Variants in TMEM132B observed in about 807,000 individuals in gnomAD.
TMEM132B encodes the protein transmembrane protein 132B.
Under a neutral mutation model 90.8 loss-of-function variants are expected in TMEM132B, and 18 were observed. That is an observed-to-expected ratio of 0.20 (90% CI 0.14 to 0.29). TMEM132B has a LOEUF of 0.29. Ranked by LOEUF, TMEM132B falls within the 10% of genes least tolerant of loss-of-function variation. The pLI is 1.00. For synonymous variants in TMEM132B, 504 were observed against 523.3 expected (o/e 0.96, Z 0.50); for missense variants, 1,096 against 1,326.8 (o/e 0.83, Z 2.70).
rs116478057 is a variant in TMEM132B at position 125,427,856 on chromosome 12, A to G, written c.1106+12179A>G. Among the ~76,000 whole-genome samples the G allele has an allele frequency of 7.4e-3, 1,127 of 152,336 alleles. 13 individuals are homozygous for G. The highest frequency in any genetic ancestry group is 0.025 in the African/African-American group (1,047 of 41,574). ...GATTTCCTTATGCAGGAAAAAATTG[A>G]ACCAGAGGGAATTGGAGTCTTTCTT... On this transcript the variant is annotated intron_variant, in intron 3 of 8. Transcript: ENST00000682704.
At chr12:125,567,274 A>C (rs7953420) in intron 4 of TMEM132B, among the ~76,000 whole-genome samples, 139,859 of 152,216 alleles carry the variant, frequency 0.92, 64,268 homozygotes, top group Middle Eastern at 0.97. Context: ...GTCTTTCTCT[A>C]TATCTCTCTC....
chr12:125,654,095 T>A lies in TMEM132B; in HGVS notation c.2637T>A (p.Thr879=), dbSNP rs962579898. 1 of 1,614,094 alleles carries A rather than the reference T, an allele frequency of 6.2e-7. No individual in the cohort carries two copies. The highest frequency in any genetic ancestry group is 8.5e-7 in the Non-Finnish European group (1 of 1,180,010). The change falls in exon 9 of 9, where the codon ACT becomes ACA. Residue 879 remains threonine (T), a synonymous_variant. Coordinates refer to ENST00000682704, the MANE Select transcript of TMEM132B (RefSeq NM_001366854.1). This position sits in a 1 kb window ranked among gnomAD's most constrained non-coding sequence, Gnocchi z 5.8. ...CAGATGCCTTTACAAGCTTCCCCAC[T>A]CAAGGGAAGTCACCGGACCCCAATA... is the stretch of plus-strand genomic sequence containing the variant. The part of the protein sequence containing the change: ...GGPDAFTSFP[T]QGKSPDPNNP...
At chr12:125,494,081 CTCCTTCCT>C (rs1374563174) in intron 3 of TMEM132B, among the ~76,000 whole-genome samples, 1 of 137,318 alleles carries the variant, frequency 7.3e-6, no homozygotes. Context: ...CGTCCCTCCT[CTCCTTCCT>C]CCCTGAAAAT....
chr12:125,275,156 T>C (rs1874955718), intron 1 of TMEM132B, among the ~76,000 whole-genome samples: 2 of 152,182 alleles, frequency 1.3e-5, no homozygotes. Flanking sequence ...GCTGGACTTT[T>C]CTCTCCTTCC....
chr12:125,268,317 A>G (rs1435103000), intron 1 of TMEM132B, among the ~76,000 whole-genome samples: 1 of 152,248 alleles, frequency 6.6e-6, no homozygotes, highest in African/African-American at 2.4e-5. Flanking sequence ...ACTTCTGAGA[A>G]TTTATCATTC....
intron 3 of TMEM132B, among the ~76,000 whole-genome samples, chr12:125,430,979 C>T (rs1288452401): frequency 6.6e-6 from 1 of 151,910 alleles, no homozygotes; most frequent in Non-Finnish European, 1.5e-5. Flanking sequence ...CCCCAGAGTC[C>T]CTGAGGTGGC....
chr12:125,362,902 A>G (rs1412115875), intron 2 of TMEM132B, among the ~76,000 whole-genome samples: 1 of 152,196 alleles, frequency 6.6e-6, no homozygotes, highest in African/African-American at 2.4e-5. Context: ...TTAGTGTTGA[A>G]CCCTAAAGAG....
In TMEM132B at chr12:125,307,784, A is replaced by G. The variant is rs868542721; in HGVS notation, c.68-41668A>G. Among the ~76,000 whole-genome samples the G allele has an allele frequency of 1.7e-4, 25 of 146,006 alleles. 1 individual carries two copies. Among genetic ancestry groups the G allele is most frequent in the East Asian group, 3.9e-4 (2 of 5,086 alleles). The stretch of plus-strand genomic sequence containing the variant: ...TATTGCAAGTATATATACTTATAAT[A>G]CAAGTATATTACAAGTATATATACT... On this transcript the variant is annotated intron_variant, in intron 1 of 8. Transcript: ENST00000682704.
intron 1 of TMEM132B, among the ~76,000 whole-genome samples, chr12:125,310,427 C>T (rs1404473691): frequency 6.6e-6 from 1 of 152,234 alleles, no homozygotes; most frequent in East Asian, 1.9e-4. Flanking sequence ...ATCCCCACTA[C>T]ACCCATGGTC....
intron 2 of TMEM132B, among the ~76,000 whole-genome samples, chr12:125,351,061 G>T (rs1241751246): frequency 1.3e-5 from 2 of 152,196 alleles, no homozygotes; most frequent in Non-Finnish European, 2.9e-5. Flanking sequence ...GCAGTTCTCA[G>T]TATCCAGTGT....
chr12:125,350,166 G>A lies in TMEM132B; in HGVS notation c.782G>A (p.Arg261Gln), dbSNP rs377588294. The change falls in exon 2 of 9, where the codon CGA becomes CAA. Residue 261 changes from arginine to glutamine, a missense_variant. Arg to Gln is a conservative substitution (Grantham distance 43). Transcript: ENST00000682704. Reference protein sequence around the residue: ...LESPQQAFPARERIGSVVVYP... With the variant: ...LESPQQAFPAQERIGSVVVYP... ...AGCCCCCAGCAAGCGTTTCCAGCCC[G>A]AGAGAGGATTGGGAGTGTGGTGGTC... is the stretch of plus-strand genomic sequence containing the variant. The A allele has an allele frequency of 2.6e-4, 416 of 1,614,210 alleles. No individual in the cohort carries two copies. The highest frequency in any genetic ancestry group is 3.3e-4 in the Non-Finnish European group (385 of 1,180,038).
In TMEM132B at chr12:125,589,317, C is replaced by G. The variant is rs1050314298; in HGVS notation, c.1437+5323C>G. Among the ~76,000 whole-genome samples the G allele has an allele frequency of 4.1e-4, 63 of 151,892 alleles. 1 individual carries two copies. The South Asian group carries it at 1.0e-2, about 24-fold the overall frequency. ...CTAACACGGTGAAACCCTGTCTCTA[C>G]TAAAAATACAAAAAATTAGCCGGGC... On this transcript the variant is annotated intron_variant, in intron 5 of 8. Coordinates refer to ENST00000682704, the MANE Select transcript of TMEM132B (RefSeq NM_001366854.1).
In TMEM132B at chr12:125,472,298, T is replaced by C. The variant is rs575988945; in HGVS notation, c.1107-47141T>C. On this transcript the variant is annotated intron_variant, in intron 3 of 8. Transcript: ENST00000682704. ...TGTGTGGTTGGCAAGCTCCTGACTT[T>C]GGCTGACTTCTTGTTGTGATAATCA... 1.4e-4 allele frequency among the ~76,000 whole-genome samples: 22 copies of C among 152,316 alleles called. No homozygotes were observed. In the South Asian group the frequency reaches 3.9e-3, roughly 27 times the overall value.
rs143165872 is a variant in TMEM132B at position 125,208,575 on chromosome 12, A to G, written c.67+21709A>G. Among the ~76,000 whole-genome samples the G allele has an allele frequency of 8.5e-5, 13 of 152,256 alleles. No homozygotes were observed. The East Asian group carries it at 2.1e-3, about 25-fold the overall frequency. Reference sequence around the variant, plus strand: ...GCCATCTGTGTCTGGCTTCTTTCTCATAGCATAACATTTCGAGGTTTATCT... The same window carrying G: ...GCCATCTGTGTCTGGCTTCTTTCTCGTAGCATAACATTTCGAGGTTTATCT... On this transcript the variant is annotated intron_variant, in intron 1 of 8. Transcript: ENST00000682704.
At chr12:125,469,863 C>T (rs992091288) in intron 3 of TMEM132B, among the ~76,000 whole-genome samples, 3 of 152,290 alleles carry the variant, frequency 2.0e-5, no homozygotes, top group East Asian at 1.9e-4. Context: ...CCATGCCTCA[C>T]AGCACAAGCC....
At chr12:125,297,288 C>A (rs956208269) in intron 1 of TMEM132B, among the ~76,000 whole-genome samples, 1 of 152,246 alleles carries the variant, frequency 6.6e-6, no homozygotes, top group African/African-American at 2.4e-5. Context: ...ATGTTTCAAC[C>A]TCCCTGCTGC....
chr12:125,449,444 A>G (rs1881092412), intron 3 of TMEM132B, among the ~76,000 whole-genome samples: 1 of 152,086 alleles, frequency 6.6e-6, no homozygotes, highest in South Asian at 2.1e-4. Context: ...TATTCCTGAT[A>G]TTCATAACTT....
intron 4 of TMEM132B, among the ~76,000 whole-genome samples, chr12:125,530,424 G>A (rs1042697946): frequency 4.1e-4 from 62 of 152,110 alleles, no homozygotes; most frequent in East Asian, 1.9e-4. Flanking sequence ...CCAAATGGTC[G>A]TCTGCTGCAG....
At chr12:125,363,975 C>A (rs1878043752) in intron 2 of TMEM132B, among the ~76,000 whole-genome samples, 1 of 152,172 alleles carries the variant, frequency 6.6e-6, no homozygotes, top group South Asian at 2.1e-4. Flanking sequence ...TTGGATAAAT[C>A]CCCAAGATTT....
Sources: allele counts gnomAD v4.1 joint callset (sites outside exome capture counted in the v4.1 genomes callset), GRCh38; gene constraint gnomAD v4.1.1; non-coding constraint Gnocchi (gnomAD v3.1); transcripts MANE v1.5; gene names NCBI Gene and HGNC (gene_info 2026-07-23, HGNC 2026-07-21).